The following PARD3B variants were observed in gnomAD, a reference collection of about 807,000 sequenced individuals.
The protein encoded by PARD3B is partitioning defective 3 homolog B.
In PARD3B, 103 loss-of-function variants were observed where a neutral mutation model predicts 130.2. That is an observed-to-expected ratio of 0.79 (90% CI 0.67 to 0.93). The LOEUF (loss-of-function observed/expected upper bound fraction) is 0.93. PARD3B is among the 40% of genes least tolerant of loss of function. The pLI is 0.00. For missense variants in PARD3B, 1,609 were observed against 1,499.2 expected (o/e 1.07, Z -1.21); for synonymous variants, 583 against 553.2 (o/e 1.05, Z -0.76).
At chr2:205,227,834 T>A (rs2038639616) in intron 15 of PARD3B, among the ~76,000 whole-genome samples, 1 of 152,170 alleles carries the variant, frequency 6.6e-6, no homozygotes, top group Admixed American at 6.5e-5. Context: ...TCTTTCTTTT[T>A]CTTTTTTGTA....
intron 14 of PARD3B, among the ~76,000 whole-genome samples, chr2:205,192,815 A>G (rs1329692586): frequency 6.6e-6 from 1 of 152,224 alleles, no homozygotes; most frequent in African/African-American, 2.4e-5. Flanking sequence ...TAAAATAGGC[A>G]TAGCTTAGTC....
intron 2 of PARD3B, among the ~76,000 whole-genome samples, chr2:204,849,465 TCTAA>T (rs2044617971): frequency 6.6e-6 from 1 of 152,216 alleles, no homozygotes; most frequent in Non-Finnish European, 1.5e-5. Flanking sequence ...GGCACTGAAT[TCTAA>T]CTAATATGAG....
Position 205,105,731 on chromosome 2 carries a change from A to G in PARD3B, c.593+1217A>G, listed in dbSNP as rs992946215. Among the ~76,000 whole-genome samples the G allele has an allele frequency of 3.3e-5, 5 of 149,566 alleles. No individual in the cohort carries two copies. The highest frequency in any genetic ancestry group is 7.4e-5 in the Non-Finnish European group (5 of 67,546). ...ATACAGAGGATCACTTGAGTGCAGG[A>G]GTTCGAGTCCATCTTGCAACATAGG... is the stretch of plus-strand genomic sequence containing the variant. On this transcript the variant is annotated intron_variant, in intron 5 of 22. Transcript: ENST00000406610. This position sits in a 1 kb window ranked among gnomAD's most constrained non-coding sequence, Gnocchi z 4.0.
At chr2:204,765,315 T>G (rs1484464314) in intron 2 of PARD3B, among the ~76,000 whole-genome samples, 1 of 152,156 alleles carries the variant, frequency 6.6e-6, no homozygotes, top group Non-Finnish European at 1.5e-5. Context: ...AGTCTGAGTT[T>G]TAACAAGTCT....
Position 204,606,905 on chromosome 2 carries a change from G to A in PARD3B, c.120+60786G>A, listed in dbSNP as rs527622083. ...TTTTTCTGGGAAATATTAAAGCCTT[G>A]AACAATCCCGTATCTTTTTCATATA... On this transcript the variant is annotated intron_variant, in intron 1 of 22. Coordinates refer to ENST00000406610, the MANE Select transcript of PARD3B (RefSeq NM_001302769.2). The surrounding 1 kb of genome is among the most constrained non-coding windows in gnomAD (Gnocchi z 4.0). Among the ~76,000 whole-genome samples the A allele has an allele frequency of 6.6e-6, 1 of 152,162 alleles. No homozygotes were observed. Among genetic ancestry groups the A allele is most frequent in the South Asian group, 2.1e-4 (1 of 4,820 alleles).
intron 2 of PARD3B, among the ~76,000 whole-genome samples, chr2:204,874,459 A>G (rs1292651726): frequency 2.0e-5 from 3 of 152,194 alleles, no homozygotes; most frequent in Non-Finnish European, 4.4e-5. Flanking sequence ...GACAATTACA[A>G]TATTGGGGAT....
At chr2:205,094,645 T>G (rs574843038) in intron 4 of PARD3B, among the ~76,000 whole-genome samples, 68 of 152,284 alleles carry the variant, frequency 4.5e-4, no homozygotes, top group Admixed American at 9.8e-4. Flanking sequence ...CAGCACATTT[T>G]CATCCTGAAG....
chr2:204,721,798 T>G (rs987868237), intron 2 of PARD3B, among the ~76,000 whole-genome samples: 2 of 152,166 alleles, frequency 1.3e-5, no homozygotes, highest in African/African-American at 4.8e-5. Flanking sequence ...TTTACATTTT[T>G]GGGTGATACT....
At chr2:205,537,911 T>TA (rs2106449894) in intron 21 of PARD3B, among the ~76,000 whole-genome samples, 2 of 152,352 alleles carry the variant, frequency 1.3e-5, no homozygotes, top group East Asian at 3.9e-4. Flanking sequence ...ATTCAGTTGC[T>TA]AATAGCACCT....
intron 19 of PARD3B, among the ~76,000 whole-genome samples, chr2:205,434,700 TAA>T (rs2106140168): frequency 6.6e-6 from 1 of 152,166 alleles, no homozygotes; most frequent in South Asian, 2.1e-4. Flanking sequence ...GCAGTTGATT[TAA>T]AGAGACCAAA....
rs939050940 is a variant in PARD3B at position 205,463,771 on chromosome 2, G to C, written c.3044+23099G>C. ...AAAGATTGTGGCCTGTTTACTGGGA[G>C]AGCATTTTAACAAAGCAGCCTCCTC... On this transcript the variant is annotated intron_variant, in intron 20 of 22. Coordinates refer to ENST00000406610, the MANE Select transcript of PARD3B (RefSeq NM_001302769.2). The surrounding 1 kb of genome is among the most constrained non-coding windows in gnomAD (Gnocchi z 4.8). Among the ~76,000 whole-genome samples, 2 of 152,196 alleles carry C rather than the reference G, an allele frequency of 1.3e-5. No homozygotes were observed. Among genetic ancestry groups the C allele is most frequent in the African/African-American group, 4.8e-5 (2 of 41,454 alleles).
chr2:204,955,450 C>T (rs951565029), intron 2 of PARD3B, among the ~76,000 whole-genome samples: 1 of 152,186 alleles, frequency 6.6e-6, no homozygotes, highest in Non-Finnish European at 1.5e-5. Flanking sequence ...TTATCCCTAA[C>T]AGGATGGAAA....
intron 4 of PARD3B, among the ~76,000 whole-genome samples, chr2:205,090,220 TG>T (rs1308338330): frequency 6.6e-6 from 1 of 152,216 alleles, no homozygotes; most frequent in African/African-American, 2.4e-5. Flanking sequence ...CATAGTGCTG[TG>T]GGAGAAACCT....
intron 3 of PARD3B, among the ~76,000 whole-genome samples, chr2:205,005,081 C>G (rs1401018530): frequency 6.6e-6 from 1 of 151,974 alleles, no homozygotes; most frequent in African/African-American, 2.4e-5. Context: ...CTGCTTCCTC[C>G]CTGTCTCATC....
intron 6 of PARD3B, among the ~76,000 whole-genome samples, chr2:205,114,046 A>G (rs13414454): frequency 0.13 from 20,473 of 152,106 alleles, 1,458 homozygotes; most frequent in East Asian, 0.15. Context: ...CTGTGTATGT[A>G]TGATGGCTTT....
chr2:205,035,820 T>TATATATATATATATATAGTGGG (rs1491091922), intron 3 of PARD3B, among the ~76,000 whole-genome samples: 80 of 2,284 alleles, frequency 0.035, 2 homozygotes, highest in African/African-American at 0.064. Context: ...TATATATATA[T>TATATATATATATATATAGTGGG]CTATATATCT....
intron 19 of PARD3B, among the ~76,000 whole-genome samples, chr2:205,437,382 A>C (rs2047555003): frequency 6.6e-6 from 1 of 152,128 alleles, no homozygotes; most frequent in Admixed American, 6.6e-5. Flanking sequence ...AGAGCCTTTT[A>C]AGGTATATAT....
In PARD3B at chr2:204,555,966, A is replaced by G. The variant is rs111241301; in HGVS notation, c.120+9847A>G. The stretch of plus-strand genomic sequence containing the variant: ...ATCTACAGACCATATTCTTCCTACC[A>G]TACCACTTATTTTAACTGTATTTCT... On this transcript the variant is annotated intron_variant, in intron 1 of 22. Coordinates refer to ENST00000406610, the MANE Select transcript of PARD3B (RefSeq NM_001302769.2). 8.7e-3 allele frequency among the ~76,000 whole-genome samples: 1,323 copies of G among 152,206 alleles called. 18 individuals are homozygous for G. The highest frequency in any genetic ancestry group is 0.031 in the African/African-American group (1,283 of 41,530).
chr2:205,156,329 G>A (rs1418646950), intron 10 of PARD3B, among the ~76,000 whole-genome samples: 3 of 151,164 alleles, frequency 2.0e-5, no homozygotes, highest in Non-Finnish European at 2.9e-5. Context: ...GAGTTAATGG[G>A]TGCAGCACAC....
Sources: allele counts gnomAD v4.1 joint callset (sites outside exome capture counted in the v4.1 genomes callset), GRCh38; gene constraint gnomAD v4.1.1; non-coding constraint Gnocchi (gnomAD v3.1); transcripts MANE v1.5; gene names NCBI Gene and HGNC (gene_info 2026-07-23, HGNC 2026-07-21).